The following CSNK1A1 variants were observed in gnomAD, a reference collection of about 807,000 sequenced individuals.
CSNK1A1 encodes casein kinase I isoform alpha.
CSNK1A1 carries 7 observed loss-of-function variants against 46.1 expected under a neutral mutation model. The observed-to-expected ratio is 0.15, with a 90% CI of 0.09 to 0.29. CSNK1A1 has a LOEUF of 0.29. Ranked by LOEUF, CSNK1A1 falls within the 10% of genes least tolerant of loss-of-function variation. The pLI, the probability that CSNK1A1 is intolerant of heterozygous loss-of-function variation, is 1.00. For synonymous variants in CSNK1A1, 137 were observed against 141.5 expected (o/e 0.97, Z 0.23); for missense variants, 96 against 417.1 (o/e 0.23, Z 6.71).
chr5:149,527,999 G>A (rs1476409216), intron 2 of CSNK1A1, among the ~76,000 whole-genome samples: 2 of 152,054 alleles, frequency 1.3e-5, no homozygotes, highest in African/African-American at 2.4e-5. Flanking sequence ...AAATGTAAAA[G>A]GCACAAATTC....
rs114775421 is a variant in CSNK1A1 at position 149,511,232 on chromosome 5, G to C, written c.675+562C>G. ...TAGTCCCAGCTACAGGTAGGAGGCT[G>C]AGATAGGAGGACTGCTTGAGCCCAG... On this transcript the variant is annotated intron_variant, in intron 6 of 9. Transcript: ENST00000377843. 4.6e-3 allele frequency among the ~76,000 whole-genome samples: 704 copies of C among 152,266 alleles called. 9 individuals carry two copies. The highest frequency in any genetic ancestry group is 0.016 in the African/African-American group (667 of 41,558).
intron 2 of CSNK1A1, among the ~76,000 whole-genome samples, chr5:149,547,903 G>T (rs183151171): frequency 2.7e-5 from 4 of 150,888 alleles, no homozygotes; most frequent in Admixed American, 2.0e-4. Context: ...ATGGCGTCTC[G>T]CTCTGTCACC....
At chr5:149,509,850 T>A (rs762206201) in intron 7 of CSNK1A1, 29 bp downstream of exon 7, 1 of 1,552,982 alleles carries the variant, frequency 6.4e-7, no homozygotes, top group South Asian at 1.1e-5. Context: ...TTCATTTATA[T>A]TTTTTTAATA....
At position 149,502,358 on chromosome 5, in the gene CSNK1A1, G is replaced by C. The variant is rs961154437; in HGVS notation, c.1006+3089C>G. 5.2e-6 allele frequency: 5 copies of C among 956,260 alleles called. No individual in the cohort carries two copies. In the African/African-American group the frequency reaches 8.8e-5, roughly 17 times the overall value. 59.2% of individuals were successfully genotyped at this position (956,260 alleles called of 1,614,324 possible). A position where few individuals can be genotyped will look rare whatever the true frequency, so the allele number is the denominator to read the frequency against. The stretch of plus-strand genomic sequence containing the variant: ...AAGCACCTTCTAAAAATTCCTTGTT[G>C]TGACACAGGGTCTCATCTGTTGCCC... On this transcript the variant is annotated intron_variant, in intron 9 of 9. Coordinates refer to ENST00000377843, the MANE Select transcript of CSNK1A1 (RefSeq NM_001892.6).
intron 2 of CSNK1A1, among the ~76,000 whole-genome samples, chr5:149,542,616 A>G (rs1292563889): frequency 9.2e-4 from 11 of 12,012 alleles, no homozygotes; most frequent in East Asian, 6.2e-3. Flanking sequence ...ATATATATAT[A>G]TATATATATA....
Position 149,495,155 on chromosome 5 carries a change from C to G in CSNK1A1, c.*1698G>C, listed in dbSNP as rs1265149363. On this transcript the variant is annotated 3_prime_UTR_variant, in exon 10 of 10. Transcript: ENST00000377843. ...TTCTTCAGTATTACGGTACTAATATCCCTTAATGGCAGAATGTGATAATCA... is the reference window on the plus strand; with the variant it reads ...TTCTTCAGTATTACGGTACTAATATGCCTTAATGGCAGAATGTGATAATCA... 1 of 152,016 alleles carries G rather than the reference C, an allele frequency of 6.6e-6. No homozygotes were observed. Among genetic ancestry groups the G allele is most frequent in the Non-Finnish European group, 1.5e-5 (1 of 68,014 alleles). The allele number at this position is 152,016 out of a possible 1,614,324, so 9.4% of individuals were successfully genotyped here. A position where few individuals can be genotyped will look rare whatever the true frequency, so the allele number is the denominator to read the frequency against.
chr5:149,550,812 G>A lies in CSNK1A1; in HGVS notation c.123+30C>T, dbSNP rs1365800830. 7 of 1,613,714 alleles carry A rather than the reference G, an allele frequency of 4.3e-6. No homozygotes were observed. The highest frequency in any genetic ancestry group is 1.7e-5 in the Admixed American group (1 of 60,002). On this transcript the variant is annotated intron_variant, in intron 1 of 9. Coordinates refer to ENST00000377843, the MANE Select transcript of CSNK1A1 (RefSeq NM_001892.6). The surrounding 1 kb of genome is among the most constrained non-coding windows in gnomAD (Gnocchi z 4.3). ...TGGGGGGAATGAGTAAAAGCGCAGC[G>A]TTATCGTGAACCCCACCCCAGATGA...
intron 2 of CSNK1A1, among the ~76,000 whole-genome samples, chr5:149,539,318 T>C (rs1285113910): frequency 1.3e-5 from 2 of 151,992 alleles, no homozygotes; most frequent in African/African-American, 4.8e-5. Context: ...AAATAAAAAT[T>C]AGCCAAGTAT....
intron 9 of CSNK1A1, among the ~76,000 whole-genome samples, chr5:149,499,579 T>C (rs1760758354): frequency 6.6e-6 from 1 of 151,658 alleles, no homozygotes; most frequent in South Asian, 2.1e-4. Flanking sequence ...CTGGGCAACA[T>C]AGTGAGACTT....
At chr5:149,546,723 C>G (rs1762494770) in intron 2 of CSNK1A1, among the ~76,000 whole-genome samples, 1 of 151,836 alleles carries the variant, frequency 6.6e-6, no homozygotes, top group Non-Finnish European at 1.5e-5. Context: ...ATAAAGGCAG[C>G]AAAATCTAAA....
intron 6 of CSNK1A1, among the ~76,000 whole-genome samples, chr5:149,510,821 G>A (rs1761196543): frequency 6.6e-6 from 1 of 152,064 alleles, no homozygotes; most frequent in Non-Finnish European, 1.5e-5. Flanking sequence ...CAAGGGCAAA[G>A]GCATCAGATT....
Position 149,550,464 on chromosome 5 carries a change from G to T in CSNK1A1, c.124-283C>A. The T allele has an allele frequency of 2.2e-6, 1 of 448,228 alleles. No individual in the cohort carries two copies. The allele number at this position is 448,228 out of a possible 1,614,324, so 27.8% of individuals were successfully genotyped here. A position where few individuals can be genotyped will look rare whatever the true frequency, so the allele number is the denominator to read the frequency against. On this transcript the variant is annotated intron_variant, in intron 1 of 9. Transcript: ENST00000377843. The surrounding 1 kb of genome is among the most constrained non-coding windows in gnomAD (Gnocchi z 4.3). ...GTGAGAGGTTTTTAAGGAACTAGGCGATCGGAAACTGTTCTAATTGGAACA... is the reference window on the plus strand; with the variant it reads ...GTGAGAGGTTTTTAAGGAACTAGGCTATCGGAAACTGTTCTAATTGGAACA...
At position 149,496,488 on chromosome 5, in the gene CSNK1A1, T is replaced by C. The variant is rs1176852958; in HGVS notation, c.*365A>G. On this transcript the variant is annotated 3_prime_UTR_variant, in exon 10 of 10. Transcript: ENST00000377843. ...TTCATGCCGTTCTTCTGAAATGAGATCTCAAAGCAGTATAGTTCAAAACAA... is the reference window on the plus strand; with the variant it reads ...TTCATGCCGTTCTTCTGAAATGAGACCTCAAAGCAGTATAGTTCAAAACAA... 1 of 226,738 alleles carries C rather than the reference T, an allele frequency of 4.4e-6. No individual in the cohort carries two copies. Among genetic ancestry groups the C allele is most frequent in the African/African-American group, 2.3e-5 (1 of 43,916 alleles). The allele number at this position is 226,738 out of a possible 1,614,324, so 14.0% of individuals were successfully genotyped here.
intron 9 of CSNK1A1, 80 bp downstream of exon 9, chr5:149,505,367 T>C: frequency 6.5e-7 from 1 of 1,543,170 alleles, no homozygotes; most frequent in Non-Finnish European, 8.7e-7. Flanking sequence ...ACCTCCTTGA[T>C]CTAACACTGT....
chr5:149,546,503 C>T (rs1165335004), intron 2 of CSNK1A1, among the ~76,000 whole-genome samples: 4 of 151,794 alleles, frequency 2.6e-5, no homozygotes, highest in Admixed American at 2.6e-4. Context: ...CGTGGCAGCA[C>T]GTGCCTGTAG....
At position 149,497,937 on chromosome 5, in the gene CSNK1A1, G is replaced by A. The variant is rs141388937; in HGVS notation, c.1007-1077C>T. 2.6e-4 allele frequency: 180 copies of A among 705,366 alleles called. No homozygotes were observed. In the African/African-American group the frequency reaches 3.1e-3, roughly 12 times the overall value. 43.7% of individuals were successfully genotyped at this position (705,366 alleles called of 1,614,324 possible). On this transcript the variant is annotated intron_variant, in intron 9 of 9. Transcript: ENST00000377843. Reference sequence around the variant, plus strand: ...CAACCTCTGCCTCCTGGGTTCAAGCGATTCTCCTGCCTCAGCCTCCTGAGT... The same window carrying A: ...CAACCTCTGCCTCCTGGGTTCAAGCAATTCTCCTGCCTCAGCCTCCTGAGT...
chr5:149,542,632 A>T (rs901577727), intron 2 of CSNK1A1, among the ~76,000 whole-genome samples: 15 of 10,334 alleles, frequency 1.5e-3, no homozygotes, highest in African/African-American at 6.7e-3. Flanking sequence ...ATATATATAT[A>T]TATATATGTA....
intron 2 of CSNK1A1, among the ~76,000 whole-genome samples, chr5:149,542,654 A>ATATATGTG (rs1762323950): frequency 1.6e-4 from 1 of 6,224 alleles, no homozygotes; most frequent in South Asian, 7.5e-3. Flanking sequence ...ATATATATAT[A>ATATATGTG]TATATATATA....
chr5:149,499,986 T>A (rs1760780987), intron 9 of CSNK1A1, among the ~76,000 whole-genome samples: 2 of 136,874 alleles, frequency 1.5e-5, no homozygotes, highest in African/African-American at 2.6e-5. Flanking sequence ...TTTTTTTTTT[T>A]GAGACGGAGT....
Sources: gnomAD v4.1 joint callset for allele counts (sites outside exome capture counted in the v4.1 genomes callset) on GRCh38, gnomAD v4.1.1 for gene constraint, Gnocchi (gnomAD v3.1) non-coding constraint, MANE v1.5 for transcripts, NCBI Gene and HGNC (gene_info 2026-07-23, HGNC 2026-07-21) for gene names.